PDE1C: variants seen among roughly 807,000 people sequenced by gnomAD.
PDE1C encodes the protein phosphodiesterase 1C.
PDE1C carries 62 observed loss-of-function variants against 93.1 expected under a neutral mutation model. The observed-to-expected ratio is 0.67, with a 90% CI of 0.54 to 0.82. PDE1C has a LOEUF of 0.82. PDE1C is among the 40% of genes least tolerant of loss of function. The pLI is 0.00. For missense variants in PDE1C, 742 were observed against 884.6 expected (o/e 0.84, Z 2.04); for synonymous variants, 325 against 310.1 (o/e 1.05, Z -0.50).
chr7:32,420,204 CATATAT>C (rs1562716677), intron 1 of PDE1C, among the ~76,000 whole-genome samples: 2 of 16,714 alleles, frequency 1.2e-4, no homozygotes, highest in Non-Finnish European at 2.7e-4. Context: ...TATATATATA[CATATAT>C]ATGTATATAT....
intron 3 of PDE1C, among the ~76,000 whole-genome samples, chr7:32,167,356 T>A (rs1802361614): frequency 6.6e-6 from 1 of 152,128 alleles, no homozygotes; most frequent in African/African-American, 2.4e-5. Context: ...CCCTTCCTTT[T>A]GAGAATCAAC....
At chr7:31,960,262 A>G (rs1808756150) in intron 2 of PDE1C, among the ~76,000 whole-genome samples, 2 of 152,200 alleles carry the variant, frequency 1.3e-5, no homozygotes, top group South Asian at 4.1e-4. Context: ...GAAAAGCCCA[A>G]CAACGGGACA....
At chr7:31,992,508 G>T (rs566654913) in intron 2 of PDE1C, among the ~76,000 whole-genome samples, 1 of 152,234 alleles carries the variant, frequency 6.6e-6, no homozygotes, top group Non-Finnish European at 1.5e-5. Context: ...TGAGACCTCA[G>T]TGGGATGTAA....
At chr7:31,700,326 T>C in the PDE1C span, among the ~76,000 whole-genome samples, 2 of 152,184 alleles carry the variant, frequency 1.3e-5, no homozygotes, top group African/African-American at 4.8e-5. Context: ...ACACCAGCCA[T>C]AACCCTTCCT....
intron 1 of PDE1C, among the ~76,000 whole-genome samples, chr7:32,357,001 G>GA (rs1784043933): frequency 6.6e-6 from 1 of 152,044 alleles, no homozygotes; most frequent in African/African-American, 2.4e-5. Flanking sequence ...TCCTAATCTG[G>GA]AAAAAGCCTG....
Position 31,852,152 on chromosome 7 carries a change from G to A in PDE1C, c.751-1411C>T, listed in dbSNP as rs192587024. 1.2e-3 allele frequency among the ~76,000 whole-genome samples: 181 copies of A among 152,222 alleles called. 3 individuals carry two copies. Among genetic ancestry groups the A allele is most frequent in the East Asian group, 5.8e-4 (3 of 5,182 alleles). On this transcript the variant is annotated intron_variant, in intron 7 of 17. Transcript: ENST00000396191. The stretch of plus-strand genomic sequence containing the variant: ...CTTTCAATTAACTACTAATTTTGGA[G>A]AATTATTGCCTTCTTTAAAAATTGG...
intron 1 of PDE1C, among the ~76,000 whole-genome samples, chr7:32,321,585 G>A (rs1053785365): frequency 6.6e-6 from 1 of 152,162 alleles, no homozygotes; most frequent in Non-Finnish European, 1.5e-5. Flanking sequence ...CAAGTGAATT[G>A]TTCAATTAAT....
chr7:32,398,120 T>C (rs1206607396), intron 1 of PDE1C, among the ~76,000 whole-genome samples: 3 of 145,674 alleles, frequency 2.1e-5, no homozygotes, highest in Non-Finnish European at 4.5e-5. Context: ...GCCACTGCAC[T>C]CCAGCCTGGG....
intron 11 of PDE1C, 150 bp downstream of exon 11, chr7:31,837,030 A>G: frequency 1.7e-6 from 1 of 593,078 alleles, no homozygotes; most frequent in Non-Finnish European, 2.8e-6. Context: ...CAAATATCAC[A>G]TGACCAAGAG....
chr7:32,344,167 G>T (rs937378177), intron 1 of PDE1C, among the ~76,000 whole-genome samples: 1 of 152,062 alleles, frequency 6.6e-6, no homozygotes, highest in African/African-American at 2.4e-5. Context: ...TCCATCTCCT[G>T]GGCTCAAGGA....
At chr7:32,425,827 A>G (rs1012592602) in intron 1 of PDE1C, among the ~76,000 whole-genome samples, 3 of 151,986 alleles carry the variant, frequency 2.0e-5, no homozygotes, top group Admixed American at 1.3e-4. Flanking sequence ...TGTAGTCCCA[A>G]CTACTCAGGA....
At position 32,313,647 on chromosome 7, in the gene PDE1C, G is replaced by C. The variant is rs534979687; in HGVS notation, c.311-104108C>G. ...AAACCATCATTCTCAGCAAACTATC[G>C]CAAGGACAAAAAACCAAACACCGCA... On this transcript the variant is annotated intron_variant, in intron 1 of 1. Coordinates refer to the PDE1C transcript ENST00000672256. Among the ~76,000 whole-genome samples, 25 of 151,020 alleles carry C rather than the reference G, an allele frequency of 1.7e-4. No individual in the cohort carries two copies. The Admixed American group carries it at 1.7e-3, about 10-fold the overall frequency.
chr7:31,849,350 T>C (rs913573763), intron 8 of PDE1C, among the ~76,000 whole-genome samples: 9 of 152,146 alleles, frequency 5.9e-5, no homozygotes, highest in African/African-American at 2.2e-4. Context: ...CCCACAGACA[T>C]ACATTAAACA....
intron 1 of PDE1C, among the ~76,000 whole-genome samples, chr7:32,423,310 G>A (rs1376280587): frequency 6.6e-6 from 1 of 152,200 alleles, no homozygotes; most frequent in Non-Finnish European, 1.5e-5. Context: ...ACAGGAGGTT[G>A]AGGCTGCAGT....
the PDE1C span, among the ~76,000 whole-genome samples, chr7:31,706,496 G>C: frequency 6.6e-6 from 1 of 152,166 alleles, no homozygotes; most frequent in East Asian, 1.9e-4. Flanking sequence ...AAGGCATACA[G>C]TTGTATGAAA....
At chr7:31,637,430 T>C in the PDE1C span, among the ~76,000 whole-genome samples, 1 of 152,188 alleles carries the variant, frequency 6.6e-6, no homozygotes, top group East Asian at 1.9e-4. Context: ...ATCGCCAGTC[T>C]AACTGGTGTG....
the PDE1C span, among the ~76,000 whole-genome samples, chr7:31,726,056 A>C: frequency 1.3e-5 from 2 of 152,200 alleles, no homozygotes; most frequent in Non-Finnish European, 2.9e-5. Flanking sequence ...TACAGAGTTA[A>C]AAATAATACT....
At chr7:32,301,216 C>A (rs1812874654), upstream of PDE1C, among the ~76,000 whole-genome samples, 2 of 152,034 alleles carry the variant, frequency 1.3e-5, no homozygotes, top group African/African-American at 4.8e-5. Flanking sequence ...TCCCATCTTC[C>A]CAAGCTTTTA....
intron 7 of PDE1C, among the ~76,000 whole-genome samples, chr7:31,863,476 C>T (rs936400112): frequency 6.6e-6 from 1 of 152,114 alleles, no homozygotes; most frequent in Admixed American, 6.5e-5. Context: ...CCCTGTCTTG[C>T]TCCATGTATT....
Sources: allele counts gnomAD v4.1 joint callset (sites outside exome capture counted in the v4.1 genomes callset), GRCh38; gene constraint gnomAD v4.1.1; transcripts MANE v1.5; gene names NCBI Gene and HGNC (gene_info 2026-07-23, HGNC 2026-07-21).